STK33: variants seen among roughly 807,000 people sequenced by gnomAD.
STK33 encodes serine/threonine kinase 33.
A neutral mutation model predicts 58.0 loss-of-function variants in STK33; 52 were observed. That is an observed-to-expected ratio of 0.90 (90% CI 0.72 to 1.13). The LOEUF is 1.13. Ranked by LOEUF, STK33 falls within the 50% of genes most tolerant of loss-of-function variation. STK33 has a pLI of 0.00. For synonymous variants in STK33, 215 were observed against 200.1 expected (o/e 1.07, Z -0.63); for missense variants, 630 against 604.2 (o/e 1.04, Z -0.45).
At chr11:8,582,727 T>C (rs571244939) in intron 1 of STK33, among the ~76,000 whole-genome samples, 15 of 152,370 alleles carry the variant, frequency 9.8e-5, no homozygotes, top group African/African-American at 2.6e-4. Context: ...AGTATATATG[T>C]ACATGGTATA....
At chr11:8,441,357 ATT>A (rs543746826) in intron 11 of STK33, among the ~76,000 whole-genome samples, 3 of 144,776 alleles carry the variant, frequency 2.1e-5, no homozygotes, top group African/African-American at 5.0e-5. Context: ...GTGTGTGTGT[ATT>A]TTTTTTTTTT....
chr11:8,481,400 A>G (rs7929546), intron 1 of STK33, among the ~76,000 whole-genome samples: 15,297 of 152,230 alleles, frequency 0.1, 1,871 homozygotes, highest in African/African-American at 0.3. Context: ...TCCTATTTAC[A>G]TTGCCATTTA....
intron 8 of STK33, among the ~76,000 whole-genome samples, chr11:8,461,444 C>T (rs1947509499): frequency 1.3e-5 from 2 of 152,080 alleles, no homozygotes; most frequent in Non-Finnish European, 2.9e-5. Flanking sequence ...GTTAACTTTG[C>T]AAAATTATGA....
At chr11:8,526,398 A>C (rs938769935) in intron 1 of STK33, among the ~76,000 whole-genome samples, 5 of 152,158 alleles carry the variant, frequency 3.3e-5, no homozygotes, top group Admixed American at 6.5e-5. Context: ...TCTCAAAAAA[A>C]AAAAAGAAAG....
chr11:8,397,200 G>A (rs1251426234), intron 15 of STK33, among the ~76,000 whole-genome samples: 8 of 152,206 alleles, frequency 5.3e-5, no homozygotes, highest in Non-Finnish European at 1.0e-4. Flanking sequence ...AGCCTAACTG[G>A]GAGGCACCCC....
At chr11:8,496,104 T>A (rs567095824) in intron 1 of STK33, among the ~76,000 whole-genome samples, 28 of 151,498 alleles carry the variant, frequency 1.8e-4, no homozygotes, top group Middle Eastern at 3.4e-3. Flanking sequence ...TAATAAAAAA[T>A]TTTTTTTGAA....
chr11:8,531,113 C>T (rs553800407), intron 1 of STK33, among the ~76,000 whole-genome samples: 1 of 152,016 alleles, frequency 6.6e-6, no homozygotes, highest in East Asian at 1.9e-4. Flanking sequence ...AAAGGTAAAG[C>T]TTCAATTAAT....
At chr11:8,428,722 T>C (rs1001514220) in intron 14 of STK33, among the ~76,000 whole-genome samples, 1 of 152,180 alleles carries the variant, frequency 6.6e-6, no homozygotes, top group African/African-American at 2.4e-5. Flanking sequence ...TATTGTCTCA[T>C]TCTAACAATA....
intron 1 of STK33, among the ~76,000 whole-genome samples, chr11:8,547,282 T>G (rs1218555098): frequency 6.6e-6 from 1 of 152,222 alleles, no homozygotes; most frequent in Non-Finnish European, 1.5e-5. Flanking sequence ...TGGTGCAATC[T>G]CGGCTCACTG....
At chr11:8,356,463 C>T in the STK33 span, among the ~76,000 whole-genome samples, 1 of 152,046 alleles carries the variant, frequency 6.6e-6, no homozygotes, top group Non-Finnish European at 1.5e-5. Context: ...TCATCCTTTC[C>T]TGCGGACAGT....
chr11:8,469,592 G>A (rs1243150788), intron 6 of STK33, among the ~76,000 whole-genome samples: 2 of 152,130 alleles, frequency 1.3e-5, no homozygotes, highest in East Asian at 3.8e-4. Flanking sequence ...TGTTCTCAAT[G>A]GCATCCAGAA....
At chr11:8,348,335 C>T in the STK33 span, among the ~76,000 whole-genome samples, 28 of 152,290 alleles carry the variant, frequency 1.8e-4, no homozygotes, top group African/African-American at 6.0e-4. Context: ...CCTCAGGAGA[C>T]TTACAATCTT....
chr11:8,484,325 C>G (rs1950054952), intron 1 of STK33, among the ~76,000 whole-genome samples: 1 of 152,202 alleles, frequency 6.6e-6, no homozygotes, highest in South Asian at 2.1e-4. Context: ...GTGCAACTGT[C>G]AAAACCCGAT....
chr11:8,558,836 T>C (rs998821512), intron 1 of STK33, among the ~76,000 whole-genome samples: 1 of 152,208 alleles, frequency 6.6e-6, no homozygotes, highest in Non-Finnish European at 1.5e-5. Flanking sequence ...ATCAATGGCA[T>C]TGCAGCAAAT....
intron 1 of STK33, among the ~76,000 whole-genome samples, chr11:8,504,748 C>T (rs2139238762): frequency 6.6e-6 from 1 of 152,126 alleles, no homozygotes; most frequent in East Asian, 1.9e-4. Flanking sequence ...CAGTGAGCTA[C>T]GATCACGCCA....
intron 7 of STK33, 134 bp from the exon 8 acceptor site, chr11:8,462,043 G>A: frequency 1.7e-6 from 1 of 585,030 alleles, no homozygotes; most frequent in Non-Finnish European, 2.8e-6. Context: ...CATTTTTTGA[G>A]ATGTTTCTTT....
intron 1 of STK33, among the ~76,000 whole-genome samples, chr11:8,559,780 C>T (rs973806178): frequency 1.3e-5 from 2 of 152,134 alleles, no homozygotes; most frequent in Non-Finnish European, 2.9e-5. Context: ...CATCTCCATT[C>T]TCCATCTCAC....
intron 8 of STK33, 58 bp from the exon 9 acceptor site, chr11:8,457,537 A>G: frequency 1.4e-6 from 2 of 1,380,298 alleles, no homozygotes; most frequent in Non-Finnish European, 2.0e-6. Flanking sequence ...GGATCTTTAA[A>G]ATGTTATATA....
intron 1 of STK33, among the ~76,000 whole-genome samples, chr11:8,545,740 A>C (rs1955858633): frequency 6.6e-6 from 1 of 152,218 alleles, no homozygotes; most frequent in Non-Finnish European, 1.5e-5. Context: ...ACTTCAAAAC[A>C]AGAAGAGAGA....
Sources: gnomAD v4.1 joint callset for allele counts (sites outside exome capture counted in the v4.1 genomes callset) on GRCh38, gnomAD v4.1.1 for gene constraint, MANE v1.5 for transcripts, NCBI Gene and HGNC (gene_info 2026-07-23, HGNC 2026-07-21) for gene names.